Variants in RGPD3 observed in about 807,000 individuals in gnomAD.
RGPD3 encodes RANBP2 like and GRIP domain containing 3, also known as ranBP2-like and GRIP domain-containing protein 3.
A neutral mutation model predicts 154.5 loss-of-function variants in RGPD3; 62 were observed. The ratio of observed to expected loss-of-function variants is 0.40; its 90% confidence interval spans 0.33 to 0.50. RGPD3 has a LOEUF of 0.50. Ranked by LOEUF, RGPD3 falls within the 20% of genes least tolerant of loss-of-function variation. The probability of loss-of-function intolerance (pLI) is 0.59; values close to 1 mark genes in which losing one functional copy is unlikely to be tolerated. For missense variants in RGPD3, 919 were observed against 1,716.8 expected (o/e 0.54, Z 8.21); for synonymous variants, 308 against 607.0 (o/e 0.51, Z 7.24).
chr2:106,451,551 G>A (rs1438571478), intron 6 of RGPD3, among the ~76,000 whole-genome samples: 2 of 151,132 alleles, frequency 1.3e-5, no homozygotes, highest in African/African-American at 4.9e-5. Context: ...CATAAACAGA[G>A]GCATGCTGCA....
chr2:106,465,839 A>G (rs1293437109), intron 1 of RGPD3, among the ~76,000 whole-genome samples: 1 of 151,652 alleles, frequency 6.6e-6, no homozygotes, highest in Non-Finnish European at 1.5e-5. Flanking sequence ...AGGGACAGCG[A>G]CAAACACCTC....
Position 106,425,179 on chromosome 2 carries a change from G to T in RGPD3, c.2788C>A (p.Pro930Thr), listed in dbSNP as rs1210442424. The T allele has an allele frequency of 2.5e-6, 4 of 1,611,402 alleles. No homozygotes were observed. Among genetic ancestry groups the T allele is most frequent in the African/African-American group, 1.3e-5 (1 of 74,696 alleles). ...TCACTTTTCTTTTCTTGATTTCCTGGTTCCGAAATGCCAAATTTAAATCCA... is the reference window on the plus strand; with the variant it reads ...TCACTTTTCTTTTCTTGATTTCCTGTTTCCGAAATGCCAAATTTAAATCCA... The part of the protein sequence containing the change: ...ADGFKFGISE[P>T]GNQEKKSEKP... Residue 930 changes from proline to threonine, a missense_variant, in exon 20 of 23, where the codon CCA (proline) becomes ACA (threonine). Coordinates refer to ENST00000409886, the MANE Select transcript of RGPD3 (RefSeq NM_001144013.2).
At chr2:106,406,881 T>C (rs980475550) in intron 22 of RGPD3, among the ~76,000 whole-genome samples, 4 of 152,208 alleles carry the variant, frequency 2.6e-5, no homozygotes, top group Non-Finnish European at 5.9e-5. Flanking sequence ...TGGGGAAATT[T>C]TCTAGAGTTA....
intron 1 of RGPD3, among the ~76,000 whole-genome samples, chr2:106,465,767 C>T (rs1001787567): frequency 9.9e-5 from 15 of 151,262 alleles, no homozygotes; most frequent in South Asian, 4.2e-4. Flanking sequence ...CAAAGTGTTC[C>T]GGGCAGGGAG....
At chr2:106,421,062 C>T (rs564764707) in intron 20 of RGPD3, among the ~76,000 whole-genome samples, 1 of 152,280 alleles carries the variant, frequency 6.6e-6, no homozygotes, top group Admixed American at 6.5e-5. Flanking sequence ...TAAACAAAAA[C>T]TTAGTATCAT....
At chr2:106,444,681 C>T (rs1677852526) in intron 7 of RGPD3, among the ~76,000 whole-genome samples, 1 of 146,586 alleles carries the variant, frequency 6.8e-6, no homozygotes, top group African/African-American at 2.6e-5. Flanking sequence ...AACAATGTAG[C>T]CAGGCATGGT....
rs1677413847 is a variant in RGPD3, at chr2:106,432,999, G to A, written c.2405C>T (p.Pro802Leu). 1 of 1,609,230 alleles carries A rather than the reference G, an allele frequency of 6.2e-7. No individual in the cohort carries two copies. The highest frequency in any genetic ancestry group is 1.1e-5 in the South Asian group (1 of 90,330). The change falls in exon 17 of 23, where the codon CCT (proline) becomes CTT (leucine). Residue 802 changes from proline (P) to leucine (L), a missense_variant. Pro to Leu is a moderately conservative substitution (Grantham distance 98, BLOSUM62 -3). Transcript: ENST00000409886. ...AGAATTCTGATCTTCTGCCCATCGA[G>A]GTGGTGTTTTGGGAGAATACTAAAA... Reference protein sequence around the residue: ...KSYKYSPKTPPRWAEDQNSLL... With the variant: ...KSYKYSPKTPLRWAEDQNSLL...
At chr2:106,470,343 C>T (rs1678783273), upstream of RGPD3, among the ~76,000 whole-genome samples, 1 of 152,244 alleles carries the variant, frequency 6.6e-6, no homozygotes, top group East Asian at 1.9e-4. Flanking sequence ...TTTCTCCTTG[C>T]CCTGAATGCT....
At position 106,450,331 on chromosome 2, in the gene RGPD3, G is replaced by A. The variant is rs1353185318; in HGVS notation, c.782+1874C>T. ...GGAGGTTCACAAGGCAGGTAACAAAGGGCCCATGAGTCCTGATTAACTGAT... is the reference window on the plus strand; with the variant it reads ...GGAGGTTCACAAGGCAGGTAACAAAAGGCCCATGAGTCCTGATTAACTGAT... On this transcript the variant is annotated intron_variant, in intron 6 of 22. Coordinates refer to ENST00000409886, the MANE Select transcript of RGPD3 (RefSeq NM_001144013.2). Among the ~76,000 whole-genome samples the A allele has an allele frequency of 3.2e-5, 3 of 93,240 alleles. No homozygotes were observed. In the East Asian group the frequency reaches 2.1e-3, roughly 64 times the overall value. The allele number at this position is 93,240 out of a possible 152,430, so 61.2% of individuals were successfully genotyped here. A position where few individuals can be genotyped will look rare whatever the true frequency, so the allele number is the denominator to read the frequency against.
chr2:106,463,726 A>G (rs1573304625), intron 1 of RGPD3, among the ~76,000 whole-genome samples: 2 of 151,878 alleles, frequency 1.3e-5, no homozygotes, highest in East Asian at 3.9e-4. Context: ...TTCCAGGTAG[A>G]CAATCAATCA....
At position 106,432,145 on chromosome 2, in the gene RGPD3, A is replaced by G. The variant is rs1167404462; in HGVS notation, c.2469+790T>C. ...GTGAAAGATGAGGAGAGAGACACAT[A>G]AAGTACTTTCAAAAATATAGTAAAG... is the stretch of plus-strand genomic sequence containing the variant. On this transcript the variant is annotated intron_variant, in intron 17 of 22. Transcript: ENST00000409886. Among the ~76,000 whole-genome samples the G allele has an allele frequency of 2.7e-5, 4 of 148,896 alleles. 1 individual carries two copies. The highest frequency in any genetic ancestry group is 9.9e-5 in the African/African-American group (4 of 40,330).
chr2:106,414,107 A>G (rs1325874726), intron 21 of RGPD3, among the ~76,000 whole-genome samples: 1 of 151,988 alleles, frequency 6.6e-6, no homozygotes, highest in African/African-American at 2.4e-5. Context: ...GACAATGTAA[A>G]ACACTATCAG....
rs1162088042 is a variant in RGPD3, at chr2:106,430,061, A to G, written c.2470-280T>C. On this transcript the variant is annotated intron_variant, in intron 17 of 22. Transcript: ENST00000409886. ...AGCACGCCCGGCTAATTTTTTGTAT[A>G]ATAGTAGAGATGCGGTTTCACCATG... Among the ~76,000 whole-genome samples, 10 of 150,688 alleles carry G rather than the reference A, an allele frequency of 6.6e-5. No homozygotes were observed. In the South Asian group the frequency reaches 1.9e-3, roughly 29 times the overall value.
chr2:106,413,988 C>T (rs531516418), intron 21 of RGPD3, among the ~76,000 whole-genome samples: 3 of 152,290 alleles, frequency 2.0e-5, no homozygotes, highest in Admixed American at 2.0e-4. Context: ...CGGCAGCCTC[C>T]ACTAACCCCC....
chr2:106,420,658 A>G (rs1216050208), intron 20 of RGPD3, among the ~76,000 whole-genome samples: 1 of 152,304 alleles, frequency 6.6e-6, no homozygotes, highest in Non-Finnish European at 1.5e-5. Context: ...TTAGAAGTTA[A>G]AATGATATTC....
In RGPD3 at chr2:106,413,174, C is replaced by T. The variant is rs749035541; in HGVS notation, c.5176G>A (p.Gly1726Ser). Residue 1726 changes from glycine to serine, a missense_variant, in exon 22 of 23, where the codon GGT (glycine) becomes AGT (serine). Gly to Ser is a moderately conservative substitution (Grantham distance 56). Coordinates refer to ENST00000409886, the MANE Select transcript of RGPD3 (RefSeq NM_001144013.2). Reference protein sequence around the residue: ...VLLQFIFLKPGSERERLLPVI... With the variant: ...VLLQFIFLKPSSERERLLPVI... ...GGAAGAAGTCTCTCTCTTTCACTAC[C>T]TGGCTTCAAGAAAATGAACTGCAGC... The T allele has an allele frequency of 3.7e-6, 6 of 1,611,810 alleles. No individual in the cohort carries two copies. The East Asian group carries it at 6.7e-5, about 18-fold the overall frequency.
At chr2:106,438,063 G>A (rs1221068235) in intron 9 of RGPD3, among the ~76,000 whole-genome samples, 1 of 152,082 alleles carries the variant, frequency 6.6e-6, no homozygotes, top group Non-Finnish European at 1.5e-5. Context: ...CCTGAGTAGG[G>A]ACTACAGGCA....
At position 106,404,228 on chromosome 2, in the gene RGPD3, G is replaced by A. The variant is rs1187531522; in HGVS notation, c.*991C>T. On this transcript the variant is annotated 3_prime_UTR_variant, in exon 23 of 23. Coordinates refer to ENST00000409886, the MANE Select transcript of RGPD3 (RefSeq NM_001144013.2). ...ACTGTTGGGATAGGTTTTTATTTGGGAAAATGGAGAGGATTCTCAAAACAG... is the reference window on the plus strand; with the variant it reads ...ACTGTTGGGATAGGTTTTTATTTGGAAAAATGGAGAGGATTCTCAAAACAG... Among the ~76,000 whole-genome samples, 1 of 150,074 alleles carries A rather than the reference G, an allele frequency of 6.7e-6. No individual in the cohort carries two copies. The highest frequency in any genetic ancestry group is 1.5e-5 in the Non-Finnish European group (1 of 67,876).
Position 106,447,442 on chromosome 2 carries a change from T to C in RGPD3, c.954A>G (p.Ala318=). The change falls in exon 7 of 23, where the codon GCA becomes GCG. Residue 318 remains alanine, a synonymous_variant. Coordinates refer to ENST00000409886, the MANE Select transcript of RGPD3 (RefSeq NM_001144013.2). ...VQWRALSELA[A]LCYLIAFQVP... is the part of the protein sequence containing the mutation. ...CCTGAAATGCTATGAGATAGCACAA[T>C]GCAGCCAGCTCAGAAAGAGCTCGCC... The C allele has an allele frequency of 1.1e-5, 2 of 182,334 alleles. No individual in the cohort carries two copies. The highest frequency in any genetic ancestry group is 9.2e-6 in the Non-Finnish European group (1 of 109,254). The allele number at this position is 182,334 out of a possible 1,614,324, so 11.3% of individuals were successfully genotyped here.
Sources: allele counts gnomAD v4.1 joint callset (sites outside exome capture counted in the v4.1 genomes callset), GRCh38; gene constraint gnomAD v4.1.1; transcripts MANE v1.5; gene names NCBI Gene and HGNC (gene_info 2026-07-23, HGNC 2026-07-21).